The following STAC variants were observed in gnomAD, a reference collection of about 807,000 sequenced individuals.
The protein encoded by STAC is SH3 and cysteine-rich domain-containing protein.
STAC carries 43 observed loss-of-function variants against 48.8 expected under a neutral mutation model. That is an observed-to-expected ratio of 0.88 (90% confidence interval 0.69 to 1.14). The LOEUF is 1.14. Ranked by LOEUF, STAC falls within the 50% of genes most tolerant of loss-of-function variation. STAC has a pLI of 0.00. For synonymous variants in STAC, 193 were observed against 179.5 expected (o/e 1.07, Z -0.60); for missense variants, 497 against 504.0 (o/e 0.99, Z 0.13).
chr3:36,533,883 C>A (rs981515456), intron 10 of STAC, among the ~76,000 whole-genome samples: 10 of 151,976 alleles, frequency 6.6e-5, no homozygotes, highest in Non-Finnish European at 1.3e-4. Context: ...TTCAGGGGTA[C>A]AACATGTGCA....
At chr3:36,400,745 G>A (rs9879601) in intron 1 of STAC, among the ~76,000 whole-genome samples, 1,945 of 152,272 alleles carry the variant, frequency 0.013, 46 homozygotes, top group African/African-American at 0.044. Flanking sequence ...ACCAGACTTT[G>A]AGCACCACTG....
intron 2 of STAC, among the ~76,000 whole-genome samples, chr3:36,475,395 A>G (rs1289155918): frequency 2.0e-5 from 3 of 152,172 alleles, no homozygotes; most frequent in Non-Finnish European, 4.4e-5. Flanking sequence ...GTGGAACTCA[A>G]TATTCCAAAC....
intron 1 of STAC, among the ~76,000 whole-genome samples, chr3:36,403,239 T>C (rs1423073016): frequency 1.3e-5 from 2 of 152,126 alleles, no homozygotes; most frequent in Non-Finnish European, 1.5e-5. Context: ...AAAAATAGAA[T>C]GAACAATTCT....
chr3:36,486,049 C>T (rs112533706), intron 4 of STAC, 85 bp from the exon 5 acceptor site: 18,094 of 991,904 alleles, frequency 0.018, 208 homozygotes, highest in Non-Finnish European at 0.021. Flanking sequence ...GCTTCTCAGG[C>T]GCTGTTCACC....
chr3:36,433,183 G>A (rs62245734), intron 1 of STAC, among the ~76,000 whole-genome samples: 9,061 of 152,216 alleles, frequency 0.06, 277 homozygotes, highest in South Asian at 0.074. Context: ...AACCAGGCAT[G>A]TTCCAGATAC....
chr3:36,418,786 G>A (rs1346456179), intron 1 of STAC, among the ~76,000 whole-genome samples: 3 of 151,818 alleles, frequency 2.0e-5, no homozygotes, highest in African/African-American at 2.4e-5. Flanking sequence ...GGTGGCTCAC[G>A]CCTGTAATCC....
chr3:36,465,292 G>C (rs9850763), intron 2 of STAC, among the ~76,000 whole-genome samples: 138,371 of 152,218 alleles, frequency 0.91, 63,125 homozygotes, highest in African/African-American at 0.98. Context: ...GTCCTTAACC[G>C]ACTTTTTGAT....
At chr3:36,533,706 T>C (rs1699128416) in intron 10 of STAC, among the ~76,000 whole-genome samples, 1 of 152,024 alleles carries the variant, frequency 6.6e-6, no homozygotes, top group South Asian at 2.1e-4. Context: ...ACCTGCATTC[T>C]CTGCCCTCAT....
At chr3:36,467,500 G>C (rs1208226857) in intron 2 of STAC, among the ~76,000 whole-genome samples, 4 of 151,854 alleles carry the variant, frequency 2.6e-5, no homozygotes, top group Admixed American at 2.6e-4. Flanking sequence ...CAATTTTTTT[G>C]TTGCCATTTC....
At chr3:36,498,311 AAG>A (rs1371041141) in intron 6 of STAC, among the ~76,000 whole-genome samples, 2 of 152,172 alleles carry the variant, frequency 1.3e-5, no homozygotes, top group African/African-American at 2.4e-5. Context: ...ATTAGGCATA[AAG>A]AGAGAATTAG....
At chr3:36,450,380 C>T (rs1472399553) in intron 2 of STAC, among the ~76,000 whole-genome samples, 1 of 152,192 alleles carries the variant, frequency 6.6e-6, no homozygotes, top group Non-Finnish European at 1.5e-5. Context: ...TCCAGCCTGC[C>T]CAAAAGGCAG....
chr3:36,386,192 C>T (rs1699611732), intron 1 of STAC, among the ~76,000 whole-genome samples: 2 of 151,924 alleles, frequency 1.3e-5, no homozygotes, highest in Admixed American at 1.3e-4. Flanking sequence ...AATGGTATTG[C>T]AATGTGGTTT....
At chr3:36,543,856 C>T (rs955927270) in intron 10 of STAC, among the ~76,000 whole-genome samples, 2 of 152,174 alleles carry the variant, frequency 1.3e-5, no homozygotes, top group Non-Finnish European at 2.9e-5. Flanking sequence ...CACATTACCA[C>T]AATACAGCAT....
intron 10 of STAC, among the ~76,000 whole-genome samples, chr3:36,541,181 G>GAA (rs141454002): frequency 2.0e-5 from 3 of 148,758 alleles, no homozygotes; most frequent in African/African-American, 7.4e-5. Context: ...TAGGGGGGAA[G>GAA]AAAAAAAAAA....
intron 8 of STAC, among the ~76,000 whole-genome samples, chr3:36,525,438 C>G (rs556250734): frequency 6.6e-6 from 1 of 152,204 alleles, no homozygotes; most frequent in Admixed American, 6.5e-5. Flanking sequence ...GACTGTCCAC[C>G]TCTAGGCACA....
At chr3:36,476,287 T>C (rs1697491712) in intron 2 of STAC, among the ~76,000 whole-genome samples, 1 of 152,198 alleles carries the variant, frequency 6.6e-6, no homozygotes, top group Non-Finnish European at 1.5e-5. Context: ...TAATAGGTGC[T>C]CTGAGAACGA....
In STAC at chr3:36,528,740, G is replaced by A; in HGVS notation, c.965G>A (p.Trp322Ter). Residue 322 changes from tryptophan (W) to a stop codon, truncating the protein, a stop_gained, in exon 9 of 11, where the codon TGG (tryptophan) becomes TAG (stop). Coordinates refer to ENST00000273183, the MANE Select transcript of STAC (RefSeq NM_003149.3). LOFTEE classifies it high-confidence loss of function. ...CTTTTAGAGGATTCCAATGAAGACTGGTGGAAAGTAAGTGTTCCTCTTTCT... is the reference window on the plus strand; with the variant it reads ...CTTTTAGAGGATTCCAATGAAGACTAGTGGAAAGTAAGTGTTCCTCTTTCT... Reference protein sequence around the residue: ...ITLLEDSNEDWWKGKIQDRIG... With the variant: ...ITLLEDSNED 2 of 1,606,204 alleles carry A rather than the reference G, an allele frequency of 1.2e-6. No homozygotes were observed. The highest frequency in any genetic ancestry group is 2.2e-5 in the South Asian group (2 of 89,226).
chr3:36,453,211 G>A (rs1357968745), intron 2 of STAC, among the ~76,000 whole-genome samples: 1 of 152,242 alleles, frequency 6.6e-6, no homozygotes, highest in Non-Finnish European at 1.5e-5. Flanking sequence ...GCTCGCTCCC[G>A]GCGCCTCCTC....
chr3:36,414,028 T>C (rs939105604), intron 1 of STAC, among the ~76,000 whole-genome samples: 2 of 152,246 alleles, frequency 1.3e-5, no homozygotes, highest in East Asian at 3.8e-4. Context: ...CTTGTAGAGT[T>C]TCTGCCAGGA....
Sources: gnomAD v4.1 joint callset for allele counts (sites outside exome capture counted in the v4.1 genomes callset) on GRCh38, gnomAD v4.1.1 for gene constraint, MANE v1.5 for transcripts, NCBI Gene and HGNC (gene_info 2026-07-23, HGNC 2026-07-21) for gene names.